TLE4: variants seen among roughly 807,000 people sequenced by gnomAD.
The protein encoded by TLE4 is transducin-like enhancer protein 4.
In TLE4, 8 loss-of-function variants were observed where a neutral mutation model predicts 92.8. The observed-to-expected ratio is 0.09, with a 90% CI of 0.05 to 0.16. The LOEUF is 0.16. Among genes scored for constraint, TLE4 ranks in the 10% least tolerant of loss-of-function variants. The pLI is 1.00. For synonymous variants in TLE4, 371 were observed against 374.1 expected, an observed-to-expected ratio of 0.99 and a Z score of 0.10; for missense variants, 675 against 997.6, an observed-to-expected ratio of 0.68 and a Z score of 4.36.
chr9:79,670,867 T>C (rs926798261), intron 8 of TLE4, among the ~76,000 whole-genome samples: 1 of 152,124 alleles, frequency 6.6e-6, no homozygotes, highest in Non-Finnish European at 1.5e-5. Flanking sequence ...TAGGTCCTTA[T>C]TGGTTTTTTT....
At chr9:79,664,888 C>T (rs564060374) in intron 8 of TLE4, among the ~76,000 whole-genome samples, 2 of 151,638 alleles carry the variant, frequency 1.3e-5, no homozygotes, top group African/African-American at 4.8e-5. Flanking sequence ...TTGTGCCTCC[C>T]TTTTTTTTTC....
intron 16 of TLE4, among the ~76,000 whole-genome samples, chr9:79,721,347 G>C (rs2075606336): frequency 6.6e-6 from 1 of 152,134 alleles, no homozygotes; most frequent in Non-Finnish European, 1.5e-5. Flanking sequence ...GCCATCCCCA[G>C]TCCTTCTTTA....
chr9:79,638,106 T>C (rs2056355056), intron 6 of TLE4, among the ~76,000 whole-genome samples: 1 of 152,138 alleles, frequency 6.6e-6, no homozygotes, highest in Admixed American at 6.6e-5. Context: ...GGAGGGTTTC[T>C]TGATTAAGAA....
At chr9:79,716,618 C>T (rs141446936) in intron 14 of TLE4, among the ~76,000 whole-genome samples, 17 of 152,296 alleles carry the variant, frequency 1.1e-4, no homozygotes, top group South Asian at 4.1e-4. Flanking sequence ...ATAATTAGCA[C>T]GCTTTCTTGC....
At chr9:79,573,859 T>G (rs1316435289) in intron 2 of TLE4, 73 bp downstream of exon 2, 17 of 1,104,844 alleles carry the variant, frequency 1.5e-5, no homozygotes, top group Non-Finnish European at 2.0e-5. Flanking sequence ...ACACAAACAC[T>G]TACCCTCCTC....
intron 8 of TLE4, among the ~76,000 whole-genome samples, chr9:79,683,829 T>C (rs1270791314): frequency 1.3e-5 from 2 of 152,184 alleles, no homozygotes; most frequent in Non-Finnish European, 2.9e-5. Context: ...CTCATTAACA[T>C]GGCAGTAATA....
Position 79,652,656 on chromosome 9 carries a change from C to T in TLE4, c.454C>T (p.Pro152Ser). The change falls in exon 7 of 20, where the codon CCT becomes TCT. Residue 152 changes from proline to serine, a missense_variant. Around this residue, in one of 5 missense-constraint regions of TLE4, gnomAD observed 280 missense variants for 287.3 expected, o/e 0.97. Coordinates refer to ENST00000376552, the MANE Select transcript of TLE4 (RefSeq NM_007005.6). ...TCTCCCCGTACCTCTGACTCCACACCCTTCAGGGCTCCAGCCCCCTGCCAT... is the reference window on the plus strand; with the variant it reads ...TCTCCCCGTACCTCTGACTCCACACTCTTCAGGGCTCCAGCCCCCTGCCAT... The part of the protein sequence containing the change: ...HGLPVPLTPH[P>S]SGLQPPAIPP... 1.2e-6 allele frequency: 2 copies of T among 1,614,212 alleles called. No homozygotes were observed. Among genetic ancestry groups the T allele is most frequent in the Non-Finnish European group, 1.7e-6 (2 of 1,180,038 alleles).
At chr9:79,724,921 A>C (rs2076238570) in intron 19 of TLE4, 116 bp from the exon 20 acceptor site, 1 of 534,662 alleles carries the variant, frequency 1.9e-6, no homozygotes, top group African/African-American at 2.1e-5. Flanking sequence ...CCTTTCCTTG[A>C]CTGGGCTTTC....
intron 6 of TLE4, among the ~76,000 whole-genome samples, chr9:79,637,018 T>G (rs935673931): frequency 5.3e-5 from 8 of 152,224 alleles, no homozygotes; most frequent in African/African-American, 1.9e-4. Context: ...TATACAGTTC[T>G]GGGTTTCACT....
intron 8 of TLE4, among the ~76,000 whole-genome samples, chr9:79,685,195 C>T (rs2065584005): frequency 6.6e-6 from 1 of 152,154 alleles, no homozygotes; most frequent in Admixed American, 6.5e-5. Flanking sequence ...GTCAGCTTTC[C>T]CTGGGTTCTA....
intron 4 of TLE4, chr9:79,601,503 C>T (rs893329392): frequency 6.6e-6 from 3 of 453,884 alleles, no homozygotes; most frequent in Non-Finnish European, 1.3e-5. Flanking sequence ...CTCTGTGTCA[C>T]ATTTTGGTAA....
At chr9:79,593,723 A>G (rs1301034984) in intron 4 of TLE4, among the ~76,000 whole-genome samples, 2 of 152,202 alleles carry the variant, frequency 1.3e-5, no homozygotes, top group Non-Finnish European at 2.9e-5. Flanking sequence ...TCTCCATCAT[A>G]TATGCTGTGT....
intron 7 of TLE4, among the ~76,000 whole-genome samples, chr9:79,653,657 A>G (rs1053659468): frequency 6.6e-6 from 1 of 152,204 alleles, no homozygotes; most frequent in African/African-American, 2.4e-5. Flanking sequence ...CAGCATCCTT[A>G]CTGTGAATTA....
At chr9:79,710,517 G>A (rs2073000393) in intron 14 of TLE4, among the ~76,000 whole-genome samples, 1 of 152,106 alleles carries the variant, frequency 6.6e-6, no homozygotes, top group Non-Finnish European at 1.5e-5. Context: ...TGCCGTGTAT[G>A]TGCTGCCTCC....
chr9:79,638,472 A>C (rs755205720), intron 6 of TLE4, among the ~76,000 whole-genome samples: 2 of 152,094 alleles, frequency 1.3e-5, no homozygotes, highest in Non-Finnish European at 2.9e-5. Context: ...TCTTAAGAAA[A>C]ACTCAGAATG....
At chr9:79,721,153 G>A (rs2075570960) in intron 16 of TLE4, among the ~76,000 whole-genome samples, 1 of 152,202 alleles carries the variant, frequency 6.6e-6, no homozygotes, top group Non-Finnish European at 1.5e-5. Context: ...CTTATGAGAA[G>A]CTGCTTCTAA....
At chr9:79,671,067 A>T in intron 8 of TLE4, 1 of 258,000 alleles carries the variant, frequency 3.9e-6, no homozygotes, top group Non-Finnish European at 8.3e-6. Flanking sequence ...CCTAAAAAAA[A>T]ATCTACAAAA....
intron 1 of TLE4, chr9:79,573,482 A>G (rs989910152): frequency 4.2e-6 from 4 of 958,078 alleles, no homozygotes; most frequent in Non-Finnish European, 5.5e-6. Flanking sequence ...TGCGGGCGGG[A>G]GTATGCGGGG....
At chr9:79,707,995 G>T in intron 11 of TLE4, 123 bp from the exon 12 acceptor site, 2 of 985,758 alleles carry the variant, frequency 2.0e-6, no homozygotes, top group Non-Finnish European at 1.5e-6. Context: ...AGAAAATCAA[G>T]GCCCAAGCTG....
Sources: allele counts gnomAD v4.1 joint callset (sites outside exome capture counted in the v4.1 genomes callset), GRCh38; gene constraint gnomAD v4.1.1; regional missense constraint gnomAD v4.1.1; transcripts MANE v1.5; gene names NCBI Gene and HGNC (gene_info 2026-07-23, HGNC 2026-07-21).